KCNMA1: variants seen among roughly 807,000 people sequenced by gnomAD.
The protein encoded by KCNMA1 is Calcium-activated potassium channel subunit alpha-1.
A neutral mutation model predicts 140.0 loss-of-function variants in KCNMA1; 29 were observed. That is an observed-to-expected ratio of 0.21 (90% confidence interval 0.15 to 0.28). KCNMA1 has a LOEUF of 0.28. Among genes scored for constraint, KCNMA1 ranks in the 10% least tolerant of loss-of-function variants. KCNMA1 has a pLI of 1.00. For synonymous variants in KCNMA1, 612 were observed against 611.9 expected, an observed-to-expected ratio of 1.00 and a Z score of 0.00; for missense variants, 880 against 1,602.2, an observed-to-expected ratio of 0.55 and a Z score of 7.70.
intron 2 of KCNMA1, among the ~76,000 whole-genome samples, chr10:77,399,918 C>T (rs1488475765): frequency 2.6e-5 from 4 of 152,192 alleles, no homozygotes; most frequent in African/African-American, 9.7e-5. Context: ...TCTTCCCCAG[C>T]TGGACCTTAC....
chr10:77,248,930 C>T (rs1018356001), intron 3 of KCNMA1, among the ~76,000 whole-genome samples: 6 of 152,136 alleles, frequency 3.9e-5, no homozygotes, highest in African/African-American at 1.4e-4. Context: ...TGCCACCGGA[C>T]AGAATCTTCG....
chr10:77,554,008 T>C (rs1319139249), intron 1 of KCNMA1, among the ~76,000 whole-genome samples: 2 of 151,936 alleles, frequency 1.3e-5, no homozygotes, highest in Non-Finnish European at 2.9e-5. Flanking sequence ...CAGATGATAC[T>C]GTGGCTACGA....
intron 1 of KCNMA1, among the ~76,000 whole-genome samples, chr10:77,540,986 T>C (rs905342512): frequency 5.8e-5 from 8 of 137,100 alleles, no homozygotes; most frequent in African/African-American, 1.4e-4. Flanking sequence ...GCTTGGGCAA[T>C]AGAGCAAGAC....
At chr10:77,532,485 G>C (rs1237135213) in intron 1 of KCNMA1, among the ~76,000 whole-genome samples, 1 of 152,210 alleles carries the variant, frequency 6.6e-6, no homozygotes, top group Non-Finnish European at 1.5e-5. Flanking sequence ...GAAGGAGGTA[G>C]GGTTGGTTTA....
intron 2 of KCNMA1, among the ~76,000 whole-genome samples, chr10:77,266,607 AT>A (rs1181355951): frequency 6.6e-6 from 1 of 152,164 alleles, no homozygotes; most frequent in Non-Finnish European, 1.5e-5. Flanking sequence ...CTTTTCTTCT[AT>A]TGAATAATCA....
intron 1 of KCNMA1, among the ~76,000 whole-genome samples, chr10:77,605,334 T>G (rs2084097666): frequency 6.6e-6 from 1 of 152,222 alleles, no homozygotes; most frequent in South Asian, 2.1e-4. Flanking sequence ...AAAGAGATGC[T>G]TCATCTTTCC....
intron 1 of KCNMA1, among the ~76,000 whole-genome samples, chr10:77,617,953 C>A (rs1047216027): frequency 6.6e-6 from 1 of 152,136 alleles, no homozygotes; most frequent in Non-Finnish European, 1.5e-5. Flanking sequence ...GGGTGCAGTG[C>A]TACATTTCCC....
intron 14 of KCNMA1, among the ~76,000 whole-genome samples, chr10:77,061,392 AT>A (rs1201720133): frequency 6.6e-6 from 1 of 152,250 alleles, no homozygotes; most frequent in East Asian, 1.9e-4. Context: ...CAGATGACAA[AT>A]AACCACTGGG....
intron 1 of KCNMA1, among the ~76,000 whole-genome samples, chr10:77,525,394 C>A (rs990034819): frequency 3.9e-5 from 6 of 152,158 alleles, no homozygotes; most frequent in African/African-American, 1.4e-4. Context: ...TCATAACCAC[C>A]CAGAAAGTGC....
chr10:77,019,039 G>A lies in KCNMA1; in HGVS notation c.1989C>T (p.Ile663=), dbSNP rs201919794. The A allele has an allele frequency of 2.3e-5, 37 of 1,594,678 alleles. No homozygotes were observed. The highest frequency in any genetic ancestry group is 7.7e-5 in the South Asian group (7 of 90,628). The change falls in exon 17 of 28, where the codon ATC becomes ATT. Residue 663 remains isoleucine (I), a synonymous_variant. Coordinates refer to ENST00000286628, the MANE Select transcript of KCNMA1 (RefSeq NM_001161352.2). ...KIQEGTLGFF[I]ASDAKEVKRA... Reference sequence around the variant, plus strand: ...TTTTAACTTCTTTGGCATCACTTGCGATGAAAAATCCTAAAGTACCTTCTT... The same window carrying A: ...TTTTAACTTCTTTGGCATCACTTGCAATGAAAAATCCTAAAGTACCTTCTT...
chr10:77,626,999 T>G (rs1297357232), intron 1 of KCNMA1, among the ~76,000 whole-genome samples: 1 of 152,202 alleles, frequency 6.6e-6, no homozygotes. Flanking sequence ...CTCCCTCACC[T>G]TCTTCCTTTG....
chr10:77,233,244 A>T (rs535320157), intron 3 of KCNMA1, among the ~76,000 whole-genome samples: 1 of 152,150 alleles, frequency 6.6e-6, no homozygotes, highest in South Asian at 2.1e-4. Context: ...GTCCAGAATG[A>T]CTGTTTAAAA....
At chr10:77,080,492 G>A (rs972802243) in intron 12 of KCNMA1, among the ~76,000 whole-genome samples, 5 of 152,216 alleles carry the variant, frequency 3.3e-5, no homozygotes, top group Non-Finnish European at 7.3e-5. Flanking sequence ...GGGCTATCCT[G>A]AGGGGTTGCA....
chr10:77,285,292 C>T (rs1309178275), intron 2 of KCNMA1, among the ~76,000 whole-genome samples: 1 of 152,062 alleles, frequency 6.6e-6, no homozygotes, highest in Non-Finnish European at 1.5e-5. Context: ...AGGATCTCTC[C>T]TCTAAAGTTT....
chr10:77,620,249 G>A (rs2090960450), intron 1 of KCNMA1, among the ~76,000 whole-genome samples: 1 of 152,134 alleles, frequency 6.6e-6, no homozygotes, highest in African/African-American at 2.4e-5. Flanking sequence ...AGCCTCAGAG[G>A]CTGGGCCTGG....
chr10:77,082,002 CTTTTCTTTTTT>C lies in KCNMA1; in HGVS notation c.1524-2463_1524-2453del, dbSNP rs1463400805. On this transcript the variant is annotated intron_variant, in intron 12 of 27. Transcript: ENST00000286628. ...CCTTTGACCAGTAATTTCTTTTTTT[CTTTTCTTTTTT>C]TTTTTTTTTTTTTTTTTTTTTTTTT... 1.0e-3 allele frequency among the ~76,000 whole-genome samples: 52 copies of C among 51,666 alleles called. 1 individual carries two copies. Among genetic ancestry groups the C allele is most frequent in the East Asian group, 1.3e-3 (4 of 3,100 alleles). 33.9% of individuals were successfully genotyped at this position (51,666 alleles called of 152,430 possible).
At chr10:77,159,012 T>C (rs1451618591) in intron 5 of KCNMA1, among the ~76,000 whole-genome samples, 1 of 152,188 alleles carries the variant, frequency 6.6e-6, no homozygotes, top group East Asian at 1.9e-4. Context: ...ATAACCACAT[T>C]TTATAAACTT....
At position 76,916,733 on chromosome 10, in the gene KCNMA1, G is replaced by A. The variant is rs566422609; in HGVS notation, c.2903-1684C>T. 3.9e-5 allele frequency among the ~76,000 whole-genome samples: 6 copies of A among 152,328 alleles called. No individual in the cohort carries two copies. The South Asian group carries it at 1.2e-3, about 32-fold the overall frequency. On this transcript the variant is annotated intron_variant, in intron 23 of 27. Transcript: ENST00000286628. ...CTTTCCAGCAATGTGACAAGATTGT[G>A]TTGAGTCTGGCATTTTGGCTAGGTG...
chr10:77,608,329 C>T (rs371389121), intron 1 of KCNMA1, among the ~76,000 whole-genome samples: 23 of 152,278 alleles, frequency 1.5e-4, no homozygotes, highest in African/African-American at 2.9e-4. Context: ...TGTGCCACCA[C>T]GCCTGGCTAA....
Sources: gnomAD v4.1 joint callset for allele counts (sites outside exome capture counted in the v4.1 genomes callset) on GRCh38, gnomAD v4.1.1 for gene constraint, MANE v1.5 for transcripts, NCBI Gene and HGNC (gene_info 2026-07-23, HGNC 2026-07-21) for gene names.